The following KIAA1614 variants were observed in gnomAD, a reference collection of about 807,000 sequenced individuals.
KIAA1614 encodes the protein uncharacterized protein KIAA1614.
KIAA1614 carries 76 observed loss-of-function variants against 88.7 expected under a neutral mutation model. That is an observed-to-expected ratio of 0.86 (90% CI 0.71 to 1.04). The LOEUF (loss-of-function observed/expected upper bound fraction) is 1.04. Ranked by LOEUF, KIAA1614 falls within the 50% of genes least tolerant of loss-of-function variation. The pLI, the probability that KIAA1614 is intolerant of heterozygous loss-of-function variation, is 0.00. For missense variants in KIAA1614, 1,553 were observed against 1,582.5 expected (o/e 0.98, Z 0.32); for synonymous variants, 714 against 675.5 (o/e 1.06, Z -0.88).
chr1:180,922,809 C>G (rs1458391163), intron 3 of KIAA1614, among the ~76,000 whole-genome samples: 2 of 152,166 alleles, frequency 1.3e-5, no homozygotes, highest in African/African-American at 2.4e-5. Flanking sequence ...CCACTCAGTT[C>G]TGACACTGTC....
chr1:180,940,711 T>C (rs1242223441), intron 6 of KIAA1614, among the ~76,000 whole-genome samples: 4 of 151,844 alleles, frequency 2.6e-5, no homozygotes, highest in Non-Finnish European at 5.9e-5. Flanking sequence ...TTTCTTCTCT[T>C]CCTTTTTTCT....
chr1:180,947,065 CTT>C lies in KIAA1614; in HGVS notation c.*1478_*1479del, dbSNP rs1388506723. The C allele has an allele frequency of 3.9e-5, 6 of 152,134 alleles. No individual in the cohort carries two copies. The highest frequency in any genetic ancestry group is 8.8e-5 in the Non-Finnish European group (6 of 68,064). The allele number at this position is 152,134 out of a possible 1,614,324, so 9.4% of individuals were successfully genotyped here. ...GGGAGGCTTTTCTGAGAAGATGACA[CTT>C]GAGCAGGGCCGTGGATGGGGCGAGG... is the stretch of plus-strand genomic sequence containing the variant. On this transcript the variant is annotated 3_prime_UTR_variant, in exon 9 of 9. Transcript: ENST00000367588.
chr1:180,915,488 G>T (rs1189389254), intron 1 of KIAA1614, among the ~76,000 whole-genome samples: 1 of 152,232 alleles, frequency 6.6e-6, no homozygotes, highest in African/African-American at 2.4e-5. Context: ...TTTGGCATAG[G>T]ATTAGTTGTC....
chr1:180,924,140 C>T (rs1460106133), intron 3 of KIAA1614, among the ~76,000 whole-genome samples: 1 of 152,224 alleles, frequency 6.6e-6, no homozygotes, highest in South Asian at 2.1e-4. Context: ...ATATACACAC[C>T]ACACATGAAA....
intron 3 of KIAA1614, among the ~76,000 whole-genome samples, chr1:180,921,557 G>A (rs376813820): frequency 2.6e-5 from 4 of 152,140 alleles, no homozygotes; most frequent in South Asian, 2.1e-4. Context: ...TCTTGCCATC[G>A]TGCAGCACTG....
chr1:180,914,689 A>G (rs1653738689), intron 1 of KIAA1614, among the ~76,000 whole-genome samples: 1 of 152,014 alleles, frequency 6.6e-6, no homozygotes, highest in Non-Finnish European at 1.5e-5. Flanking sequence ...AGCTGGGACT[A>G]CAGGCACCTG....
intron 6 of KIAA1614, among the ~76,000 whole-genome samples, chr1:180,940,484 G>A (rs1654430524): frequency 1.3e-5 from 2 of 152,086 alleles, no homozygotes; most frequent in Non-Finnish European, 1.5e-5. Context: ...CTGGGCAGCA[G>A]AGTGAGACTC....
intron 3 of KIAA1614, among the ~76,000 whole-genome samples, chr1:180,925,708 C>T (rs962242450): frequency 1.3e-5 from 2 of 152,228 alleles, no homozygotes; most frequent in Admixed American, 6.5e-5. Context: ...GGGGACCACA[C>T]GCTGCCCTTT....
intron 6 of KIAA1614, among the ~76,000 whole-genome samples, chr1:180,940,836 C>T (rs1029010617): frequency 2.0e-5 from 3 of 152,032 alleles, no homozygotes; most frequent in South Asian, 2.1e-4. Flanking sequence ...CTCCATCTCC[C>T]GAGTAGCTGG....
At chr1:180,938,850 G>C (rs1654391561) in intron 6 of KIAA1614, 139 bp downstream of exon 6, 1 of 716,038 alleles carries the variant, frequency 1.4e-6, no homozygotes, top group South Asian at 2.0e-5. Flanking sequence ...CTGTGAACAA[G>C]CCTGGCAGCC....
At chr1:180,928,166 G>T in intron 3 of KIAA1614, 1 of 383,796 alleles carries the variant, frequency 2.6e-6, no homozygotes, top group African/African-American at 2.1e-5. Context: ...TGAGGTCTCT[G>T]CCTCCAGTGC....
chr1:180,931,842 A>G, intron 4 of KIAA1614, among the ~76,000 whole-genome samples: 1 of 152,192 alleles, frequency 6.6e-6, no homozygotes, highest in Non-Finnish European at 1.5e-5. Flanking sequence ...ACATCCTGCC[A>G]GCGGACAGGG....
chr1:180,934,523 G>A (rs551365320), intron 4 of KIAA1614, among the ~76,000 whole-genome samples: 1 of 151,846 alleles, frequency 6.6e-6, no homozygotes, highest in Admixed American at 6.6e-5. Flanking sequence ...CCCAGAGATC[G>A]AGGCTGTAGT....
At chr1:180,944,239 T>C (rs938993077) in intron 7 of KIAA1614, 150 bp from the exon 8 acceptor site, 5 of 719,960 alleles carry the variant, frequency 6.9e-6, no homozygotes, top group Non-Finnish European at 1.1e-5. Flanking sequence ...GAGTAAGTCA[T>C]GGTGGTTCCT....
At chr1:180,928,594 G>C in intron 4 of KIAA1614, 21 bp downstream of exon 4, 1 of 1,606,716 alleles carries the variant, frequency 6.2e-7, no homozygotes, top group South Asian at 1.1e-5. Context: ...CCTGGGCCAG[G>C]CTAGCCTGGG....
At chr1:180,926,867 G>A (rs1482642411) in intron 3 of KIAA1614, among the ~76,000 whole-genome samples, 1 of 152,228 alleles carries the variant, frequency 6.6e-6, no homozygotes, top group African/African-American at 2.4e-5. Flanking sequence ...GAGGCTTCAC[G>A]GGGCAGCGGG....
chr1:180,923,055 C>T (rs935072266), intron 3 of KIAA1614, among the ~76,000 whole-genome samples: 1 of 152,198 alleles, frequency 6.6e-6, no homozygotes, highest in African/African-American at 2.4e-5. Context: ...ATAAAAGACA[C>T]GAACAGCCAT....
At position 180,945,321 on chromosome 1, in the gene KIAA1614, A is replaced by G; in HGVS notation, c.3306A>G (p.Pro1102=). The G allele has an allele frequency of 1.9e-6, 3 of 1,585,108 alleles. No homozygotes were observed. The highest frequency in any genetic ancestry group is 2.6e-6 in the Non-Finnish European group (3 of 1,172,362). ...CTCGCAGGCCGGCCAAGACTTCACC[A>G]CGGCGTGCCCTCAGTGTGGAGGACG... ...SAAGRPAKTS[P]RRALSVEDVG... The change falls in exon 9 of 9, where the codon CCA becomes CCG. Residue 1102 remains proline (P), a synonymous_variant. Coordinates refer to ENST00000367588, the MANE Select transcript of KIAA1614 (RefSeq NM_020950.2).
chr1:180,940,394 G>A (rs1195696352), intron 6 of KIAA1614, among the ~76,000 whole-genome samples: 1 of 152,098 alleles, frequency 6.6e-6, no homozygotes, highest in African/African-American at 2.4e-5. Context: ...CCAGCTAGTC[G>A]GGAGGCTGAG....
Sources: allele counts gnomAD v4.1 joint callset (sites outside exome capture counted in the v4.1 genomes callset), GRCh38; gene constraint gnomAD v4.1.1; transcripts MANE v1.5; gene names NCBI Gene and HGNC (gene_info 2026-07-23, HGNC 2026-07-21).